DHRS7B: variants seen among roughly 807,000 people sequenced by gnomAD.
DHRS7B encodes the protein peroxisomal reductase activating PPAR-gamma.
DHRS7B carries 24 observed loss-of-function variants against 26.4 expected under a neutral mutation model. The ratio of observed to expected loss-of-function variants is 0.91; its 90% CI spans 0.66 to 1.28. The LOEUF is 1.28. Ranked by LOEUF, DHRS7B falls within the 50% of genes most tolerant of loss-of-function variation. The pLI is 0.00. For synonymous variants in DHRS7B, 142 were observed against 166.4 expected (o/e 0.85, Z 1.13); for missense variants, 368 against 419.4 (o/e 0.88, Z 1.07).
chr17:21,186,931 G>A (rs1379784845), intron 5 of DHRS7B, among the ~76,000 whole-genome samples: 1 of 152,106 alleles, frequency 6.6e-6, no homozygotes, highest in African/African-American at 2.4e-5. Flanking sequence ...GCCCACTGAT[G>A]GGGCCAATTC....
At chr17:21,159,100 G>A (rs757597455) in intron 1 of DHRS7B, among the ~76,000 whole-genome samples, 15 of 152,144 alleles carry the variant, frequency 9.9e-5, no homozygotes, top group Non-Finnish European at 2.1e-4. Context: ...CCTCGGGTAT[G>A]GTGGTGACTT....
At chr17:21,174,826 G>A (rs1974337631) in intron 2 of DHRS7B, among the ~76,000 whole-genome samples, 1 of 152,202 alleles carries the variant, frequency 6.6e-6, no homozygotes. Context: ...TTTATAAACC[G>A]GATGAGCAGT....
At chr17:21,169,936 G>T (rs1160855667) in intron 1 of DHRS7B, among the ~76,000 whole-genome samples, 7 of 152,124 alleles carry the variant, frequency 4.6e-5, no homozygotes, top group Non-Finnish European at 7.4e-5. Context: ...ACAAGGCAGG[G>T]TGGTCCTACC....
At chr17:21,143,382 T>C (rs1031557848) in intron 1 of DHRS7B, among the ~76,000 whole-genome samples, 6 of 152,182 alleles carry the variant, frequency 3.9e-5, no homozygotes, top group Non-Finnish European at 8.8e-5. Context: ...GCTTTTAAAG[T>C]ATGATTTGGA....
In DHRS7B at chr17:21,191,208, T is replaced by C. The variant is rs181113420; in HGVS notation, c.*55T>C. The C allele has an allele frequency of 1.3e-6, 2 of 1,557,266 alleles. No individual in the cohort carries two copies. Among genetic ancestry groups the C allele is most frequent in the East Asian group, 4.5e-5 (2 of 44,546 alleles). ...AAGCAGCACTCTTAGGCTTGCTTAC[T>C]CTACAAGGGACAGTTGCATTTGTTG... On this transcript the variant is annotated 3_prime_UTR_variant, in exon 7 of 7. Coordinates refer to ENST00000395511, the MANE Select transcript of DHRS7B (RefSeq NM_015510.5).
rs1419839829 is a variant in DHRS7B, at chr17:21,127,190, C to T, written c.20+199C>T. ...AGGCGCTGGGACCAGAGCCCTGGCT[C>T]CGGCGAGTGCGTGGCGGGGAAACCC... On this transcript the variant is annotated intron_variant, in intron 1 of 6. Transcript: ENST00000395511. 5.2e-5 allele frequency: 28 copies of T among 535,330 alleles called. No homozygotes were observed. The Admixed American group carries it at 1.1e-3, about 21-fold the overall frequency. The allele number at this position is 535,330 out of a possible 1,614,324, so 33.2% of individuals were successfully genotyped here.
chr17:21,158,772 C>T (rs4401097), intron 1 of DHRS7B, among the ~76,000 whole-genome samples: 55,308 of 151,916 alleles, frequency 0.36, 11,354 homozygotes, highest in Non-Finnish European at 0.45. Context: ...AGAGGACTGA[C>T]GCTACCTGAC....
At chr17:21,166,540 CAAAAA>C in intron 1 of DHRS7B, 1 of 646,650 alleles carries the variant, frequency 1.5e-6, no homozygotes, top group Non-Finnish European at 1.9e-6. Context: ...CATTTGAGAC[CAAAAA>C]AAAAAAAAGG....
chr17:21,133,304 G>A (rs1323731224), intron 1 of DHRS7B, among the ~76,000 whole-genome samples: 2 of 152,210 alleles, frequency 1.3e-5, no homozygotes, highest in African/African-American at 4.8e-5. Flanking sequence ...TGTGCCCAGG[G>A]TGGTCAGGGC....
Position 21,158,079 on chromosome 17 carries a change from C to T in DHRS7B, c.21-13939C>T, listed in dbSNP as rs117954493. Among the ~76,000 whole-genome samples, 353 of 152,154 alleles carry T rather than the reference C, an allele frequency of 2.3e-3. 2 individuals are homozygous for T. The highest frequency in any genetic ancestry group is 3.2e-3 in the Non-Finnish European group (217 of 68,020). On this transcript the variant is annotated intron_variant, in intron 1 of 6. Coordinates refer to ENST00000395511, the MANE Select transcript of DHRS7B (RefSeq NM_015510.5). ...TTCATGATTAAAACTCTCAGCAAAT[C>T]GGAGTAGAGGGGAACTCCCTCAACT...
chr17:21,127,164 C>T, intron 1 of DHRS7B, 173 bp downstream of exon 1: 1 of 656,826 alleles, frequency 1.5e-6, no homozygotes, highest in Non-Finnish European at 2.4e-6. Flanking sequence ...AGACTCAGCC[C>T]AGGCGCTGGG....
rs1051509146 is a variant in DHRS7B, at chr17:21,183,491, T to C, written c.310-103T>C. ...CTATTCTTTTTCTAGTTCCTTAAAA[T>C]ATAAAGTTACATTATTGTTTTGAGG... On this transcript the variant is annotated intron_variant, in intron 3 of 6. Coordinates refer to ENST00000395511, the MANE Select transcript of DHRS7B (RefSeq NM_015510.5). 6.4e-6 allele frequency: 7 copies of C among 1,086,950 alleles called. No homozygotes were observed. The Admixed American group carries it at 6.6e-5, about 10-fold the overall frequency. The allele number at this position is 1,086,950 out of a possible 1,614,324, so 67.3% of individuals were successfully genotyped here. A position where few individuals can be genotyped will look rare whatever the true frequency, so the allele number is the denominator to read the frequency against.
At chr17:21,167,449 C>T (rs1008793923) in intron 1 of DHRS7B, among the ~76,000 whole-genome samples, 6 of 152,206 alleles carry the variant, frequency 3.9e-5, no homozygotes, top group East Asian at 1.9e-4. Flanking sequence ...CCCTTCCTCA[C>T]GCCAGTTCGT....
chr17:21,130,315 G>A (rs541968540), intron 1 of DHRS7B, among the ~76,000 whole-genome samples: 145 of 152,268 alleles, frequency 9.5e-4, no homozygotes, highest in African/African-American at 3.4e-3. Flanking sequence ...GCTTGAACTG[G>A]GAAGCAGAGG....
At chr17:21,128,055 A>T (rs1188378579) in intron 1 of DHRS7B, 1 of 152,206 alleles carries the variant, frequency 6.6e-6, no homozygotes, top group Non-Finnish European at 1.5e-5. Flanking sequence ...CCCTAATCAT[A>T]GGAACTATAA....
At chr17:21,138,096 A>G (rs1973396336) in intron 1 of DHRS7B, among the ~76,000 whole-genome samples, 1 of 91,140 alleles carries the variant, frequency 1.1e-5, no homozygotes, top group South Asian at 4.3e-4. Context: ...ATATATATAT[A>G]TATATACACA....
chr17:21,147,473 C>G (rs138340057), intron 1 of DHRS7B, among the ~76,000 whole-genome samples: 1 of 152,178 alleles, frequency 6.6e-6, no homozygotes, highest in African/African-American at 2.4e-5. Context: ...GAGATTATCA[C>G]GAGAATTGTC....
At chr17:21,127,176 C>T in intron 1 of DHRS7B, 185 bp downstream of exon 1, 1 of 591,310 alleles carries the variant, frequency 1.7e-6, no homozygotes, top group Non-Finnish European at 2.7e-6. Context: ...GGCGCTGGGA[C>T]CAGAGCCCTG....
chr17:21,176,470 G>A (rs181539899), intron 2 of DHRS7B, among the ~76,000 whole-genome samples: 6 of 152,118 alleles, frequency 3.9e-5, no homozygotes, highest in Admixed American at 1.3e-4. Context: ...CCATGGTGGC[G>A]AGTATCTGTG....
Sources: gnomAD v4.1 joint callset for allele counts (sites outside exome capture counted in the v4.1 genomes callset) on GRCh38, gnomAD v4.1.1 for gene constraint, MANE v1.5 for transcripts, NCBI Gene and HGNC (gene_info 2026-07-23, HGNC 2026-07-21) for gene names.